Variants in UNC5D observed in about 807,000 individuals in gnomAD.
The protein encoded by UNC5D is netrin receptor UNC5D.
UNC5D carries 39 observed loss-of-function variants against 105.4 expected under a neutral mutation model. That is an observed-to-expected ratio of 0.37 (90% CI 0.29 to 0.48). UNC5D has a LOEUF of 0.48. Among genes scored for constraint, UNC5D ranks in the 20% least tolerant of loss-of-function variants. The pLI, the probability that UNC5D is intolerant of heterozygous loss-of-function variation, is 0.98. For missense variants in UNC5D, 991 were observed against 1,202.4 expected, an observed-to-expected ratio of 0.82 and a Z score of 2.60; for synonymous variants, 452 against 450.4, an observed-to-expected ratio of 1.00 and a Z score of -0.04.
rs145313607 is a variant in UNC5D, at chr8:35,338,801, G to A, written c.103+102914G>A. On this transcript the variant is annotated intron_variant, in intron 1 of 16. Transcript: ENST00000404895. ...GTTTTCCATGCACAAGCCCTGATTT[G>A]CCTTGTTAAATGCACCCTGACCGAC... Among the ~76,000 whole-genome samples the A allele has an allele frequency of 3.2e-3, 489 of 152,096 alleles. 2 individuals carry two copies. Among genetic ancestry groups the A allele is most frequent in the African/African-American group, 0.011 (464 of 41,474 alleles).
chr8:35,593,977 C>G (rs2130894862), intron 3 of UNC5D, among the ~76,000 whole-genome samples: 1 of 152,274 alleles, frequency 6.6e-6, no homozygotes, highest in East Asian at 1.9e-4. Flanking sequence ...TGGGTTTATT[C>G]ACAGAACCTT....
At chr8:35,570,982 A>G (rs961250968) in intron 3 of UNC5D, among the ~76,000 whole-genome samples, 2 of 151,972 alleles carry the variant, frequency 1.3e-5, no homozygotes, top group African/African-American at 4.8e-5. Context: ...AGAGAGAGAG[A>G]GAAAGAATGT....
chr8:35,338,144 G>A (rs1195184661), intron 1 of UNC5D, among the ~76,000 whole-genome samples: 1 of 151,980 alleles, frequency 6.6e-6, no homozygotes, highest in African/African-American at 2.4e-5. Context: ...TAATGTCTGT[G>A]GTTTTTTTCA....
chr8:35,349,087 A>G (rs1366288054), intron 1 of UNC5D, among the ~76,000 whole-genome samples: 1 of 151,910 alleles, frequency 6.6e-6, no homozygotes, highest in African/African-American at 2.4e-5. Flanking sequence ...TTGGTTCTGC[A>G]TTTACTGTGT....
intron 11 of UNC5D, among the ~76,000 whole-genome samples, chr8:35,746,230 G>T (rs1830000146): frequency 6.6e-6 from 1 of 152,134 alleles, no homozygotes; most frequent in Non-Finnish European, 1.5e-5. Flanking sequence ...CCATCACCTT[G>T]ATTGACTCCT....
intron 1 of UNC5D, among the ~76,000 whole-genome samples, chr8:35,278,287 G>T (rs1042732744): frequency 1.3e-5 from 2 of 152,110 alleles, no homozygotes; most frequent in Admixed American, 6.6e-5. Context: ...TTACCTAATG[G>T]CCAGTAGTGA....
At chr8:35,639,001 T>C (rs1822547628) in intron 4 of UNC5D, among the ~76,000 whole-genome samples, 1 of 152,188 alleles carries the variant, frequency 6.6e-6, no homozygotes, top group South Asian at 2.1e-4. Context: ...GTAGGCCAGA[T>C]TCAGGAAAAG....
At chr8:35,471,621 C>G (rs909477655) in intron 1 of UNC5D, among the ~76,000 whole-genome samples, 2 of 152,156 alleles carry the variant, frequency 1.3e-5, no homozygotes, top group Non-Finnish European at 2.9e-5. Flanking sequence ...TTACACCTTT[C>G]TCTTGTTAGC....
intron 1 of UNC5D, among the ~76,000 whole-genome samples, chr8:35,300,899 A>T (rs373798203): frequency 6.6e-6 from 1 of 152,156 alleles, no homozygotes; most frequent in African/African-American, 2.4e-5. Flanking sequence ...TTGGGATGAG[A>T]GTTATTAATA....
chr8:35,319,227 C>T (rs1339849108), intron 1 of UNC5D, among the ~76,000 whole-genome samples: 21 of 152,224 alleles, frequency 1.4e-4, no homozygotes, highest in Non-Finnish European at 2.9e-5. Flanking sequence ...TTCAGGCAAA[C>T]TTAATCTCAT....
At chr8:35,766,792 C>CGTTGTT in intron 14 of UNC5D, 110 bp from the exon 15 acceptor site, 1 of 1,275,198 alleles carries the variant, frequency 7.8e-7, no homozygotes, top group East Asian at 2.5e-5. Flanking sequence ...TTGTCCTCAT[C>CGTTGTT]GTTGTTGTTG....
intron 8 of UNC5D, among the ~76,000 whole-genome samples, chr8:35,715,339 A>G (rs1344851254): frequency 1.3e-5 from 2 of 152,208 alleles, no homozygotes; most frequent in Admixed American, 6.5e-5. Context: ...AAGGGCACAC[A>G]AGGTACTATC....
chr8:35,526,064 G>A (rs1443593449), intron 1 of UNC5D, among the ~76,000 whole-genome samples: 2 of 152,064 alleles, frequency 1.3e-5, no homozygotes, highest in Non-Finnish European at 2.9e-5. Context: ...ATCATTCTCT[G>A]TGATACAAAG....
chr8:35,528,047 T>G (rs1328942543), intron 1 of UNC5D, among the ~76,000 whole-genome samples: 1 of 151,118 alleles, frequency 6.6e-6, no homozygotes, highest in Non-Finnish European at 1.5e-5. Flanking sequence ...TGGTTTTTTT[T>G]TTTTTTTTTT....
At chr8:35,786,583 G>A (rs752734292) in intron 16 of UNC5D, among the ~76,000 whole-genome samples, 5 of 152,080 alleles carry the variant, frequency 3.3e-5, no homozygotes, top group Non-Finnish European at 5.9e-5. Flanking sequence ...CTCTCTAAAG[G>A]TTCTGTTATT....
chr8:35,502,228 A>C (rs1243963729), intron 1 of UNC5D, among the ~76,000 whole-genome samples: 1 of 152,224 alleles, frequency 6.6e-6, no homozygotes, highest in Non-Finnish European at 1.5e-5. Flanking sequence ...AAGCACTCAG[A>C]GGGCTGGATA....
At chr8:35,335,724 T>G (rs1413263147) in intron 1 of UNC5D, among the ~76,000 whole-genome samples, 2 of 151,362 alleles carry the variant, frequency 1.3e-5, no homozygotes, top group African/African-American at 2.4e-5. Flanking sequence ...GCAGACAACC[T>G]TTGAAAGGAT....
At chr8:35,380,269 A>C (rs1398338561) in intron 1 of UNC5D, among the ~76,000 whole-genome samples, 1 of 151,202 alleles carries the variant, frequency 6.6e-6, no homozygotes, top group Admixed American at 6.6e-5. Context: ...TGGTCTCTTC[A>C]CGTAAGGTCC....
chr8:35,284,805 G>A (rs576268742), intron 1 of UNC5D, among the ~76,000 whole-genome samples: 8 of 152,030 alleles, frequency 5.3e-5, no homozygotes, highest in East Asian at 1.9e-4. Context: ...CTCGTGACCC[G>A]CCTGCCTCAG....
Sources: allele counts gnomAD v4.1 joint callset (sites outside exome capture counted in the v4.1 genomes callset), GRCh38; gene constraint gnomAD v4.1.1; transcripts MANE v1.5; gene names NCBI Gene and HGNC (gene_info 2026-07-23, HGNC 2026-07-21).